The following AGO3 variants were observed in gnomAD, a reference collection of about 807,000 sequenced individuals.
AGO3 encodes protein argonaute-3.
A neutral mutation model predicts 105.5 loss-of-function variants in AGO3; 16 were observed. The ratio of observed to expected loss-of-function variants is 0.15; its 90% confidence interval spans 0.10 to 0.23. The LOEUF (loss-of-function observed/expected upper bound fraction) is 0.23, where lower values mean the gene tolerates loss of function less well. AGO3 is among the 10% of genes least tolerant of loss of function. The pLI is 1.00. For synonymous variants in AGO3, 340 were observed against 367.3 expected (o/e 0.93, Z 0.85); for missense variants, 534 against 1,088.0 (o/e 0.49, Z 7.16).
At chr1:35,961,053 C>G (rs958871164) in intron 2 of AGO3, among the ~76,000 whole-genome samples, 1 of 151,432 alleles carries the variant, frequency 6.6e-6, no homozygotes, top group African/African-American at 2.4e-5. Context: ...ACACCATTCT[C>G]CTGCCTCAGG....
chr1:35,931,035 G>A (rs947725322), upstream of AGO3: 39 of 374,810 alleles, frequency 1.0e-4, no homozygotes, highest in African/African-American at 3.8e-4. Context: ...GGGCCCAGAG[G>A]CGAGGCGAGG....
rs1301659595 is a variant in AGO3, at chr1:36,058,059, A to T, written c.*2314A>T. The T allele has an allele frequency of 1.3e-5, 2 of 152,252 alleles. No homozygotes were observed. Among genetic ancestry groups the T allele is most frequent in the Non-Finnish European group, 2.9e-5 (2 of 68,036 alleles). 9.4% of individuals were successfully genotyped at this position (152,252 alleles called of 1,614,324 possible). The stretch of plus-strand genomic sequence containing the variant: ...ATATTAGAAATAAAGTTGAACTTTT[A>T]TATAATTGTGAATAGCTTAACATAT... On this transcript the variant is annotated 3_prime_UTR_variant, in exon 19 of 19. Coordinates refer to ENST00000373191, the MANE Select transcript of AGO3 (RefSeq NM_024852.4).
intron 6 of AGO3, among the ~76,000 whole-genome samples, chr1:36,004,717 T>C (rs1640259975): frequency 6.6e-6 from 1 of 152,120 alleles, no homozygotes; most frequent in Non-Finnish European, 1.5e-5. Flanking sequence ...TACTTTCCCT[T>C]ACTAGCTGAA....
At chr1:35,949,697 C>CT (rs2148753666) in intron 2 of AGO3, among the ~76,000 whole-genome samples, 1 of 152,344 alleles carries the variant, frequency 6.6e-6, no homozygotes, top group African/African-American at 2.4e-5. Context: ...TCATAGCACA[C>CT]TGTGTTCTCA....
chr1:36,041,865 C>T (rs541221917), intron 16 of AGO3, among the ~76,000 whole-genome samples: 24 of 152,186 alleles, frequency 1.6e-4, no homozygotes, highest in African/African-American at 5.8e-4. Flanking sequence ...GCACTTAGAA[C>T]AGGGCTTGGC....
At chr1:35,995,215 T>A (rs201307264) in intron 5 of AGO3, among the ~76,000 whole-genome samples, 5,763 of 126,768 alleles carry the variant, frequency 0.045, 409 homozygotes, top group East Asian at 0.23. Context: ...AAAAAATATA[T>A]ATATATATAT....
chr1:35,941,032 A>T (rs985518886), intron 1 of AGO3, among the ~76,000 whole-genome samples: 6 of 152,058 alleles, frequency 3.9e-5, no homozygotes. Flanking sequence ...ACACTCATCT[A>T]ACTGCTTACT....
At chr1:36,046,846 G>A (rs1642494837) in intron 17 of AGO3, among the ~76,000 whole-genome samples, 1 of 152,056 alleles carries the variant, frequency 6.6e-6, no homozygotes, top group African/African-American at 2.4e-5. Flanking sequence ...ACTGGCACTG[G>A]GGAATTGGTG....
intron 6 of AGO3, among the ~76,000 whole-genome samples, chr1:36,007,670 T>G (rs1205461153): frequency 2.6e-5 from 4 of 151,558 alleles, no homozygotes; most frequent in Non-Finnish European, 5.9e-5. Context: ...CACTCTGACC[T>G]GGGCAACAAG....
rs186021617 is a variant in AGO3, at chr1:35,958,296, A to G, written c.192-8659A>G. On this transcript the variant is annotated intron_variant, in intron 2 of 18. Transcript: ENST00000373191. The stretch of plus-strand genomic sequence containing the variant: ...CCCAGGAGGCTGAGTCTGAAGAATC[A>G]CTTGAACCCAGGAGGTGGAGGTTGC... Among the ~76,000 whole-genome samples, 13 of 151,728 alleles carry G rather than the reference A, an allele frequency of 8.6e-5. 1 individual carries two copies. Among genetic ancestry groups the G allele is most frequent in the African/African-American group, 2.9e-4 (12 of 41,398 alleles).
intron 17 of AGO3, among the ~76,000 whole-genome samples, chr1:36,051,950 CAT>C (rs1418799680): frequency 6.6e-6 from 1 of 152,086 alleles, no homozygotes; most frequent in Non-Finnish European, 1.5e-5. Context: ...AAGGGGAACT[CAT>C]ATGCACTATT....
At chr1:36,045,133 G>A (rs962292158) in intron 17 of AGO3, among the ~76,000 whole-genome samples, 3 of 152,130 alleles carry the variant, frequency 2.0e-5, no homozygotes, top group Non-Finnish European at 4.4e-5. Flanking sequence ...GTTAATGGGA[G>A]GTCCAGAGGA....
intron 2 of AGO3, among the ~76,000 whole-genome samples, chr1:35,953,155 A>G (rs1032250966): frequency 5.3e-5 from 8 of 152,164 alleles, no homozygotes; most frequent in African/African-American, 1.9e-4. Flanking sequence ...CCAGCCAGAC[A>G]TGGTGGCTCA....
Position 36,068,195 on chromosome 1 carries a change from T to C in AGO3, c.*12450T>C, listed in dbSNP as rs1017903442. 1 of 152,208 alleles carries C rather than the reference T, an allele frequency of 6.6e-6. No homozygotes were observed. The highest frequency in any genetic ancestry group is 2.4e-5 in the African/African-American group (1 of 41,442). 9.4% of individuals were successfully genotyped at this position (152,208 alleles called of 1,614,324 possible). A position where few individuals can be genotyped will look rare whatever the true frequency, so the allele number is the denominator to read the frequency against. On this transcript the variant is annotated 3_prime_UTR_variant, in exon 19 of 19. Transcript: ENST00000373191. ...ATAGATAGAATGATGATTATTACAA[T>C]GTAACTTTAACATATATGAAGAGAA...
intron 14 of AGO3, among the ~76,000 whole-genome samples, chr1:36,038,631 G>C (rs542764569): frequency 2.6e-5 from 4 of 152,226 alleles, no homozygotes; most frequent in African/African-American, 9.6e-5. Context: ...GCATGACTTT[G>C]GTATAGGTTA....
chr1:35,979,433 C>T (rs865785613), intron 5 of AGO3, among the ~76,000 whole-genome samples: 1 of 151,848 alleles, frequency 6.6e-6, no homozygotes. Flanking sequence ...GCCCAATATA[C>T]GGTCAATTTT....
intron 1 of AGO3, among the ~76,000 whole-genome samples, chr1:35,944,255 G>A (rs1032092218): frequency 4.6e-5 from 7 of 151,808 alleles, no homozygotes; most frequent in African/African-American, 1.7e-4. Flanking sequence ...TTTTAAGACA[G>A]GGTCTTGCCA....
intron 17 of AGO3, among the ~76,000 whole-genome samples, chr1:36,054,393 CTCCCAAGTAGCTGGG>C (rs1642845634): frequency 6.6e-6 from 1 of 151,932 alleles, no homozygotes; most frequent in South Asian, 2.1e-4. Flanking sequence ...CTGCCTCAGC[CTCCCAAGTAGCTGGG>C]ACTACAGGTG....
chr1:36,040,942 G>A (rs923091209), intron 16 of AGO3, among the ~76,000 whole-genome samples: 4 of 151,324 alleles, frequency 2.6e-5, no homozygotes, highest in African/African-American at 9.7e-5. Flanking sequence ...GTGTGGTGGC[G>A]CACATCTGTA....
Sources: gnomAD v4.1 joint callset for allele counts (sites outside exome capture counted in the v4.1 genomes callset) on GRCh38, gnomAD v4.1.1 for gene constraint, MANE v1.5 for transcripts, NCBI Gene and HGNC (gene_info 2026-07-23, HGNC 2026-07-21) for gene names.